ZNF341: variants seen among roughly 807,000 people sequenced by gnomAD.
ZNF341 encodes the protein zinc finger protein 341.
A neutral mutation model predicts 87.7 loss-of-function variants in ZNF341; 52 were observed. The ratio of observed to expected loss-of-function variants is 0.59; its 90% CI spans 0.47 to 0.75. The LOEUF is 0.75. ZNF341 is among the 30% of genes least tolerant of loss of function. ZNF341 has a pLI of 0.00. For missense variants in ZNF341, 977 were observed against 1,145.9 expected (o/e 0.85, Z 2.13); for synonymous variants, 459 against 472.7 (o/e 0.97, Z 0.38).
intron 1 of ZNF341, among the ~76,000 whole-genome samples, chr20:33,739,955 C>G (rs2018767057): frequency 6.6e-6 from 1 of 152,118 alleles, no homozygotes; most frequent in South Asian, 2.1e-4. Flanking sequence ...ACCTCTGCCT[C>G]CTGGGTCCAA....
chr20:33,767,073 C>T (rs768955850), intron 9 of ZNF341, 32 bp downstream of exon 9: 79 of 1,591,022 alleles, frequency 5.0e-5, no homozygotes, highest in Non-Finnish European at 6.5e-5. Context: ...GGGCCCACAC[C>T]ACACCAGTCG....
rs60445142 is a variant in ZNF341, at chr20:33,774,117, TAAAAAAAAAAAAA to T, written c.1622+3838_1622+3850del. On this transcript the variant is annotated intron_variant, in intron 10 of 14. Transcript: ENST00000375200. Reference sequence around the variant, plus strand: ...CAACACAGTGAAACCCTGTCTCTACTAAAAAAAAAAAAAAAAAAAAAAAAATTAGCTGGGTGTG... The same window carrying T: ...CAACACAGTGAAACCCTGTCTCTACTAAAAAAAAAAAATTAGCTGGGTGTG... Among the ~76,000 whole-genome samples the T allele has an allele frequency of 3.0e-5, 3 of 100,092 alleles. No homozygotes were observed. The Admixed American group carries it at 3.3e-4, about 11-fold the overall frequency. The allele number at this position is 100,092 out of a possible 152,430, so 65.7% of individuals were successfully genotyped here.
At chr20:33,770,431 C>A in intron 10 of ZNF341, 139 bp downstream of exon 10, 2 of 820,572 alleles carry the variant, frequency 2.4e-6, no homozygotes, top group Non-Finnish European at 3.8e-6. Context: ...GGCTGGGGTC[C>A]AGCCTGGCAG....
intron 1 of ZNF341, among the ~76,000 whole-genome samples, chr20:33,733,530 C>T (rs2018622756): frequency 6.6e-6 from 1 of 152,056 alleles, no homozygotes; most frequent in Non-Finnish European, 1.5e-5. Context: ...AGCCACCGCG[C>T]CCGGCCATTT....
chr20:33,746,972 T>G (rs2018940423), intron 3 of ZNF341, among the ~76,000 whole-genome samples: 1 of 152,020 alleles, frequency 6.6e-6, no homozygotes, highest in Non-Finnish European at 1.5e-5. Context: ...ACGGAGGCAG[T>G]GACAAAGTAG....
chr20:33,783,868 G>T lies in ZNF341; in HGVS notation c.1852+4G>T. 2 of 1,612,034 alleles carry T rather than the reference G, an allele frequency of 1.2e-6. No homozygotes were observed. Among genetic ancestry groups the T allele is most frequent in the Non-Finnish European group, 8.5e-7 (1 of 1,179,038 alleles). On this transcript the variant is annotated splice_donor_region_variant and intron_variant, in intron 12 of 14. Coordinates refer to ENST00000375200, the MANE Select transcript of ZNF341 (RefSeq NM_001282933.2). ...CTGCATGCTCACATCCACTCGGGTAGGTACCCTGCCCCTGAGAACTCCAGC... is the reference window on the plus strand; with the variant it reads ...CTGCATGCTCACATCCACTCGGGTATGTACCCTGCCCCTGAGAACTCCAGC...
At chr20:33,736,575 C>A (rs1330708843) in intron 1 of ZNF341, among the ~76,000 whole-genome samples, 1 of 152,068 alleles carries the variant, frequency 6.6e-6, no homozygotes, top group African/African-American at 2.4e-5. Context: ...CTGCAACCTC[C>A]ACATCCCAAG....
chr20:33,736,593 G>A (rs2018690558), intron 1 of ZNF341, among the ~76,000 whole-genome samples: 3 of 151,996 alleles, frequency 2.0e-5, no homozygotes, highest in African/African-American at 4.8e-5. Flanking sequence ...AAGTTCAAGC[G>A]ATTCTCCTGC....
At chr20:33,764,561 ATTTTTTTTTTTT>A (rs1164096634) in intron 8 of ZNF341, among the ~76,000 whole-genome samples, 3,212 of 28,432 alleles carry the variant, frequency 0.11, 281 homozygotes, top group African/African-American at 0.33. Context: ...ATATATATAT[ATTTTTTTTTTTT>A]TTTTTTTTTT....
At chr20:33,741,997 A>G (rs1391495481) in intron 2 of ZNF341, among the ~76,000 whole-genome samples, 4 of 152,162 alleles carry the variant, frequency 2.6e-5, no homozygotes, top group Non-Finnish European at 5.9e-5. Flanking sequence ...CTACAAGATT[A>G]AAGTTTGTTT....
At chr20:33,745,404 C>T (rs2018897977) in intron 3 of ZNF341, 105 bp downstream of exon 3, 1 of 1,179,916 alleles carries the variant, frequency 8.5e-7, no homozygotes. Context: ...CAGACCAAGT[C>T]CCTGCCCTTG....
At chr20:33,782,284 T>C (rs1240434011) in intron 11 of ZNF341, among the ~76,000 whole-genome samples, 3 of 152,230 alleles carry the variant, frequency 2.0e-5, no homozygotes, top group Non-Finnish European at 2.9e-5. Context: ...TCTATTAATC[T>C]ACAGGTCCCC....
Position 33,760,791 on chromosome 20 carries a change from G to A in ZNF341, c.1029-1071G>A, listed in dbSNP as rs142279925. 1.3e-4 allele frequency among the ~76,000 whole-genome samples: 20 copies of A among 152,070 alleles called. No homozygotes were observed. In the East Asian group the frequency reaches 3.3e-3, roughly 25 times the overall value. ...ACTCCTGAGCTCAAGCGATTCTTCC[G>A]TCTCAGCTTTCCAAAGTGCTGGGAT... On this transcript the variant is annotated intron_variant, in intron 7 of 14. Coordinates refer to ENST00000375200, the MANE Select transcript of ZNF341 (RefSeq NM_001282933.2).
intron 1 of ZNF341, among the ~76,000 whole-genome samples, chr20:33,737,497 A>G (rs937604146): frequency 2.6e-5 from 4 of 151,778 alleles, no homozygotes; most frequent in Non-Finnish European, 5.9e-5. Context: ...AATTTTTTAT[A>G]TTTTTAGTAA....
At chr20:33,789,374 C>T (rs1456501063) in intron 13 of ZNF341, 144 bp from the exon 14 acceptor site, 1 of 788,920 alleles carries the variant, frequency 1.3e-6, no homozygotes, top group African/African-American at 1.7e-5. Flanking sequence ...GTCCTGGGCC[C>T]TGCCTGCCTC....
intron 10 of ZNF341, among the ~76,000 whole-genome samples, chr20:33,776,529 G>A (rs2019631225): frequency 6.6e-6 from 1 of 152,068 alleles, no homozygotes; most frequent in Non-Finnish European, 1.5e-5. Context: ...TGGGACCACA[G>A]GTGTGTGCCA....
chr20:33,750,314 T>C (rs2019026398), intron 4 of ZNF341, among the ~76,000 whole-genome samples: 1 of 152,212 alleles, frequency 6.6e-6, no homozygotes, highest in Admixed American at 6.5e-5. Context: ...GGAGGTGTTT[T>C]ACTTCTCCCC....
chr20:33,740,769 T>C (rs185039236), intron 1 of ZNF341, 133 bp from the exon 2 acceptor site: 3 of 682,558 alleles, frequency 4.4e-6, no homozygotes, highest in Non-Finnish European at 7.6e-6. Context: ...TAGCCTCCCA[T>C]GGTGCTGGGA....
At chr20:33,790,779 A>T (rs1006370734) in intron 14 of ZNF341, among the ~76,000 whole-genome samples, 5 of 152,160 alleles carry the variant, frequency 3.3e-5, no homozygotes, top group African/African-American at 1.2e-4. Context: ...AAAGGCGCAG[A>T]GGGAGGAGCC....
Sources: gnomAD v4.1 joint callset for allele counts (sites outside exome capture counted in the v4.1 genomes callset) on GRCh38, gnomAD v4.1.1 for gene constraint, MANE v1.5 for transcripts, NCBI Gene and HGNC (gene_info 2026-07-23, HGNC 2026-07-21) for gene names.